Variants in NINJ2 observed in about 807,000 individuals in gnomAD.
The protein encoded by NINJ2 is ninjurin-2.
Under a neutral mutation model 11.7 loss-of-function variants are expected in NINJ2, and 12 were observed. The ratio of observed to expected loss-of-function variants is 1.02; its 90% CI spans 0.66 to 1.66. The LOEUF is 1.66. Ranked by LOEUF, NINJ2 falls within the 40% of genes most tolerant of loss-of-function variation. NINJ2 has a pLI of 0.00. For synonymous variants in NINJ2, 93 were observed against 76.8 expected, an observed-to-expected ratio of 1.21 and a Z score of -1.10; for missense variants, 187 against 181.8, an observed-to-expected ratio of 1.03 and a Z score of -0.16.
intron 1 of NINJ2, among the ~76,000 whole-genome samples, chr12:617,989 A>C (rs867952738): frequency 1.3e-5 from 2 of 151,798 alleles, no homozygotes; most frequent in Admixed American, 6.6e-5. Context: ...TGAATAACGT[A>C]CTCTGGTGGT....
chr12:569,936 G>C lies in NINJ2; in HGVS notation c.34-3758C>G, dbSNP rs1947353965. On this transcript the variant is annotated intron_variant, in intron 1 of 3. Coordinates refer to ENST00000305108, the MANE Select transcript of NINJ2 (RefSeq NM_016533.6). ...CTCCAGAGTGTCCACACGGTGGCGC[G>C]CGCGGTCCAGAGACGTGACTTGGGC... is the stretch of plus-strand genomic sequence containing the variant. Among the ~76,000 whole-genome samples, 6 of 152,296 alleles carry C rather than the reference G, an allele frequency of 3.9e-5. No homozygotes were observed. In the South Asian group the frequency reaches 1.2e-3, roughly 32 times the overall value.
intron 1 of NINJ2, among the ~76,000 whole-genome samples, chr12:655,467 A>G (rs1278312486): frequency 1.3e-5 from 2 of 152,238 alleles, no homozygotes; most frequent in East Asian, 3.8e-4. Flanking sequence ...TTCCTATGAA[A>G]CAGCACTGAA....
intron 1 of NINJ2, among the ~76,000 whole-genome samples, chr12:611,611 T>C (rs1442728567): frequency 3.3e-5 from 5 of 152,260 alleles, no homozygotes; most frequent in Admixed American, 1.3e-4. Context: ...GTTGGGATTA[T>C]AGGCATGAGC....
chr12:661,417 CCTT>C (rs1344775760), intron 1 of NINJ2, among the ~76,000 whole-genome samples: 4 of 152,232 alleles, frequency 2.6e-5, no homozygotes, highest in African/African-American at 9.6e-5. Context: ...TAATGGATAA[CCTT>C]CTGAGCAAAG....
At chr12:587,245 G>A (rs1157062831) in intron 1 of NINJ2, among the ~76,000 whole-genome samples, 5 of 152,126 alleles carry the variant, frequency 3.3e-5, no homozygotes, top group Admixed American at 2.6e-4. Flanking sequence ...GGCTGCAAAC[G>A]GGGAGGTCTG....
At chr12:618,763 T>C (rs1274859786) in intron 1 of NINJ2, among the ~76,000 whole-genome samples, 1 of 152,096 alleles carries the variant, frequency 6.6e-6, no homozygotes, top group African/African-American at 2.4e-5. Flanking sequence ...CCTCCCAGGG[T>C]AGCAAAAGGC....
chr12:568,339 G>A (rs1410644022), intron 1 of NINJ2, among the ~76,000 whole-genome samples: 1 of 152,146 alleles, frequency 6.6e-6, no homozygotes, highest in Non-Finnish European at 1.5e-5. Flanking sequence ...GCCAACAGAA[G>A]GGAGCCTCTC....
At chr12:584,240 G>C (rs774986668) in intron 1 of NINJ2, among the ~76,000 whole-genome samples, 6 of 152,298 alleles carry the variant, frequency 3.9e-5, no homozygotes, top group South Asian at 2.1e-4. Context: ...TACAGGGATG[G>C]GGAGAGAATC....
At chr12:606,351 C>A (rs1424512145) in intron 1 of NINJ2, among the ~76,000 whole-genome samples, 1 of 151,936 alleles carries the variant, frequency 6.6e-6, no homozygotes, top group East Asian at 1.9e-4. Flanking sequence ...ATACAAAAGA[C>A]AAAACTAAAG....
chr12:589,694 G>C (rs1414713671), intron 1 of NINJ2: 1 of 152,190 alleles, frequency 6.6e-6, no homozygotes, highest in African/African-American at 2.4e-5. Context: ...CACCTTCCCT[G>C]TTTCTTTCTT....
rs147620903 is a variant in NINJ2 at position 612,205 on chromosome 12, G to A, written c.34-46027C>T. ...TGTATTATCCCTGGACTGTCTGCAC[G>A]CAGACTATTACACACAGGCGAGAAA... On this transcript the variant is annotated intron_variant, in intron 1 of 3. Transcript: ENST00000305108. Among the ~76,000 whole-genome samples the A allele has an allele frequency of 4.8e-3, 724 of 152,258 alleles. 5 individuals carry two copies. The highest frequency in any genetic ancestry group is 0.016 in the African/African-American group (675 of 41,542).
rs559517807 is a variant in NINJ2, at chr12:622,678, CTTTGT to C, written c.33+40645_33+40649del. On this transcript the variant is annotated intron_variant, in intron 1 of 3. Coordinates refer to ENST00000305108, the MANE Select transcript of NINJ2 (RefSeq NM_016533.6). ...CTTCATCCTCTAGAAAAATGTGTTG[CTTTGT>C]TTTGTTTAACTTTTCGGGTCACAGA... Among the ~76,000 whole-genome samples the C allele has an allele frequency of 5.9e-3, 899 of 152,190 alleles. 2 individuals are homozygous for C. Among genetic ancestry groups the C allele is most frequent in the Non-Finnish European group, 9.2e-3 (625 of 68,012 alleles).
rs1426153940 is a variant in NINJ2 at position 581,206 on chromosome 12, T to C, written c.34-15028A>G. On this transcript the variant is annotated intron_variant, in intron 1 of 3. Coordinates refer to ENST00000305108, the MANE Select transcript of NINJ2 (RefSeq NM_016533.6). This position sits in a 1 kb window ranked among gnomAD's most constrained non-coding sequence, Gnocchi z 4.9. ...GTGTGTGTCTGTCTCTGTGTGCGTG[T>C]GTGTGTCTATTGTCCCTGAGCTCAG... Among the ~76,000 whole-genome samples the C allele has an allele frequency of 6.6e-6, 1 of 152,096 alleles. No individual in the cohort carries two copies. The highest frequency in any genetic ancestry group is 2.4e-5 in the African/African-American group (1 of 41,384).
At chr12:595,413 G>C (rs1324044163) in intron 1 of NINJ2, among the ~76,000 whole-genome samples, 1 of 152,168 alleles carries the variant, frequency 6.6e-6, no homozygotes, top group African/African-American at 2.4e-5. Flanking sequence ...TAAATTAAAT[G>C]CCTCTGCTCT....
rs370672311 is a variant in NINJ2 at position 627,600 on chromosome 12, G to C, written c.33+35728C>G. On this transcript the variant is annotated intron_variant, in intron 1 of 3. Transcript: ENST00000305108. ...TGGGTTGGGTGTTCATGAGAGGCAG[G>C]GGCAGACTTCGTGGGTACAGCTGCA... Among the ~76,000 whole-genome samples the C allele has an allele frequency of 5.3e-5, 8 of 152,340 alleles. No individual in the cohort carries two copies. In the East Asian group the frequency reaches 1.2e-3, roughly 22 times the overall value.
intron 1 of NINJ2, among the ~76,000 whole-genome samples, chr12:587,509 G>A (rs557160894): frequency 1.3e-5 from 2 of 152,370 alleles, no homozygotes; most frequent in East Asian, 3.9e-4. Flanking sequence ...GGGAGCCCCA[G>A]AGGACTGAAG....
intron 3 of NINJ2, 74 bp from the exon 4 acceptor site, chr12:564,755 G>C (rs1007662726): frequency 6.5e-6 from 1 of 152,750 alleles, no homozygotes; most frequent in Non-Finnish European, 1.5e-5. Flanking sequence ...AGCATGCCCA[G>C]GATGCACCTG....
intron 1 of NINJ2, among the ~76,000 whole-genome samples, chr12:572,999 G>A (rs911255223): frequency 6.7e-6 from 1 of 149,994 alleles, no homozygotes; most frequent in Non-Finnish European, 1.5e-5. Context: ...TGGGATTACA[G>A]GTGTGTGCCA....
intron 1 of NINJ2, among the ~76,000 whole-genome samples, chr12:629,571 A>C (rs752910047): frequency 1.3e-5 from 2 of 152,056 alleles, no homozygotes; most frequent in Non-Finnish European, 2.9e-5. Context: ...GCCCAAAACA[A>C]ATTCGTAAAT....
Sources: allele counts gnomAD v4.1 joint callset (sites outside exome capture counted in the v4.1 genomes callset), GRCh38; gene constraint gnomAD v4.1.1; non-coding constraint Gnocchi (gnomAD v3.1); transcripts MANE v1.5; gene names NCBI Gene and HGNC (gene_info 2026-07-23, HGNC 2026-07-21).